The following FERMT2 variants were observed in gnomAD, a reference collection of about 807,000 sequenced individuals.
FERMT2 encodes FERM domain containing kindlin 2.
Under a neutral mutation model 82.7 loss-of-function variants are expected in FERMT2, and 15 were observed. The observed-to-expected ratio is 0.18, with a 90% CI of 0.12 to 0.28. The LOEUF (loss-of-function observed/expected upper bound fraction) is 0.28. Ranked by LOEUF, FERMT2 falls within the 10% of genes least tolerant of loss-of-function variation. The pLI is 1.00. For synonymous variants in FERMT2, 274 were observed against 271.5 expected, an observed-to-expected ratio of 1.01 and a Z score of -0.09; for missense variants, 645 against 809.4, an observed-to-expected ratio of 0.80 and a Z score of 2.46.
In FERMT2 at chr14:52,908,686, A is replaced by G. The variant is rs186274217; in HGVS notation, c.391+10437T>C. On this transcript the variant is annotated intron_variant, in intron 3 of 14. Coordinates refer to ENST00000341590, the MANE Select transcript of FERMT2 (RefSeq NM_006832.3). Reference sequence around the variant, plus strand: ...ACTGCCAGCAGAGGGGCATCAGGGAACTGTCCTACATCTTGCTGGTGGTCC... The same window carrying G: ...ACTGCCAGCAGAGGGGCATCAGGGAGCTGTCCTACATCTTGCTGGTGGTCC... Among the ~76,000 whole-genome samples the G allele has an allele frequency of 2.0e-3, 298 of 152,318 alleles. 1 individual carries two copies. Among genetic ancestry groups the G allele is most frequent in the African/African-American group, 6.9e-3 (287 of 41,576 alleles).
intron 2 of FERMT2, among the ~76,000 whole-genome samples, chr14:52,940,454 A>G (rs1388326653): frequency 6.6e-6 from 1 of 152,212 alleles, no homozygotes; most frequent in Non-Finnish European, 1.5e-5. Flanking sequence ...TGAACAATTA[A>G]TTATTCATAA....
chr14:52,925,059 C>T (rs1889175835), intron 2 of FERMT2, among the ~76,000 whole-genome samples: 1 of 152,276 alleles, frequency 6.6e-6, no homozygotes, highest in South Asian at 2.1e-4. Context: ...ATCACACTAC[C>T]TATCTTATTT....
At chr14:52,858,575 G>T in intron 14 of FERMT2, 25 bp from the exon 15 acceptor site, 1 of 1,609,798 alleles carries the variant, frequency 6.2e-7, no homozygotes, top group African/African-American at 1.3e-5. Flanking sequence ...AGAGCCATCA[G>T]TGCTGTCCCA....
At chr14:52,949,481 C>T (rs2139722443) in intron 2 of FERMT2, among the ~76,000 whole-genome samples, 1 of 150,916 alleles carries the variant, frequency 6.6e-6, no homozygotes, top group South Asian at 2.1e-4. Flanking sequence ...GACAATGCCA[C>T]ACAGATAATC....
Position 52,860,352 on chromosome 14 carries a change from G to A in FERMT2, c.1716C>T (p.His572=). Residue 572 remains histidine (H), a synonymous_variant, in exon 13 of 15, where the codon CAC becomes CAT. Coordinates refer to ENST00000341590, the MANE Select transcript of FERMT2 (RefSeq NM_006832.3). ...WQSLPEFGIT[H]FIARFQGGKK... is the part of the protein sequence containing the mutation. ...TTAGAACCACTGACCTTGCAATGAA[G>A]TGAGTGATGCCAAATTCAGGTAGTG... is the stretch of plus-strand genomic sequence containing the variant. 1 of 1,613,906 alleles carries A rather than the reference G, an allele frequency of 6.2e-7. No homozygotes were observed. The highest frequency in any genetic ancestry group is 8.5e-7 in the Non-Finnish European group (1 of 1,179,914).
chr14:52,881,327 G>A lies in FERMT2; in HGVS notation c.669C>T (p.Val223=). 1 of 1,614,040 alleles carries A rather than the reference G, an allele frequency of 6.2e-7. No homozygotes were observed. The highest frequency in any genetic ancestry group is 8.5e-7 in the Non-Finnish European group (1 of 1,179,988). The change falls in exon 5 of 15, where the codon GTC becomes GTT. Residue 223 remains valine (V), a synonymous_variant. Transcript: ENST00000341590. ...TTTCTGGTGACGTGATTGGTTGACT[G>A]ACAGCAAGTATACCAGGATTGCCTT... is the stretch of plus-strand genomic sequence containing the variant. ...LSEGNPGILA[V]SQPITSPEIL...
chr14:52,859,447 T>C (rs1884765216), intron 14 of FERMT2, 126 bp downstream of exon 14: 2 of 888,718 alleles, frequency 2.3e-6, no homozygotes, highest in Non-Finnish European at 3.2e-6. Flanking sequence ...TAGTCAACCA[T>C]GGTCTGTCTG....
intron 3 of FERMT2, among the ~76,000 whole-genome samples, chr14:52,917,927 G>A (rs1025781013): frequency 6.6e-6 from 1 of 152,198 alleles, no homozygotes; most frequent in Admixed American, 6.5e-5. Context: ...CATTGTACAG[G>A]AGCAGCATTT....
intron 10 of FERMT2, among the ~76,000 whole-genome samples, chr14:52,871,127 A>G (rs1885597266): frequency 6.6e-6 from 1 of 152,222 alleles, no homozygotes; most frequent in Non-Finnish European, 1.5e-5. Flanking sequence ...TGTTAGCTCC[A>G]GCGCCTAGTA....
At chr14:52,949,266 G>A (rs1016309480) in intron 2 of FERMT2, among the ~76,000 whole-genome samples, 1 of 151,688 alleles carries the variant, frequency 6.6e-6, no homozygotes, top group African/African-American at 2.4e-5. Context: ...AAATGCATCA[G>A]AGTGCTATTT....
chr14:52,899,592 T>TG (rs1457670469), intron 3 of FERMT2, among the ~76,000 whole-genome samples: 1 of 152,184 alleles, frequency 6.6e-6, no homozygotes, highest in African/African-American at 2.4e-5. Flanking sequence ...TCCAGCTTCT[T>TG]GATAATCACT....
At chr14:52,935,852 G>A (rs1248467899) in intron 2 of FERMT2, among the ~76,000 whole-genome samples, 4 of 152,096 alleles carry the variant, frequency 2.6e-5, no homozygotes, top group South Asian at 2.1e-4. Context: ...CTGAGATAAT[G>A]TCTATCAATT....
chr14:52,859,410 A>C, intron 14 of FERMT2, 163 bp downstream of exon 14: 2 of 644,816 alleles, frequency 3.1e-6, no homozygotes, highest in Admixed American at 4.0e-5. Context: ...CTAATTATGA[A>C]ATAGGCAAAT....
At chr14:52,908,690 T>C (rs1402055258) in intron 3 of FERMT2, among the ~76,000 whole-genome samples, 2 of 152,206 alleles carry the variant, frequency 1.3e-5, no homozygotes, top group Non-Finnish European at 2.9e-5. Flanking sequence ...CAGGGAACTG[T>C]CCTACATCTT....
Position 52,929,894 on chromosome 14 carries a change from A to G in FERMT2, c.158-10538T>C, listed in dbSNP as rs971818288. Among the ~76,000 whole-genome samples, 4 of 152,302 alleles carry G rather than the reference A, an allele frequency of 2.6e-5. No homozygotes were observed. The East Asian group carries it at 7.7e-4, about 29-fold the overall frequency. On this transcript the variant is annotated intron_variant, in intron 2 of 14. Transcript: ENST00000341590. ...GTCTAAGAAGACAAAGGCAATGTCT[A>G]TTTTGATCACCATTGTATTTTCAGC... is the stretch of plus-strand genomic sequence containing the variant.
chr14:52,878,575 C>CAACT lies in FERMT2; in HGVS notation c.963+3_963+6dup. 6.3e-7 allele frequency: 1 copy of CAACT among 1,583,560 alleles called. No homozygotes were observed. Among genetic ancestry groups the CAACT allele is most frequent in the Non-Finnish European group, 8.6e-7 (1 of 1,157,224 alleles). On this transcript the variant is annotated splice_region_variant and intron_variant, in intron 7 of 14. Coordinates refer to ENST00000341590, the MANE Select transcript of FERMT2 (RefSeq NM_006832.3). ...AATAAGTCCCATTTACTAGACCTTT[C>CAACT]AACTACCTGCAGGGCTGCAAACATC...
chr14:52,901,669 G>C (rs1327934072), intron 3 of FERMT2, among the ~76,000 whole-genome samples: 1 of 152,160 alleles, frequency 6.6e-6, no homozygotes. Context: ...GAGCCTCTAG[G>C]AGCTGAGAAT....
At chr14:52,917,525 A>T (rs537905187) in intron 3 of FERMT2, among the ~76,000 whole-genome samples, 5 of 152,260 alleles carry the variant, frequency 3.3e-5, no homozygotes, top group East Asian at 3.9e-4. Flanking sequence ...ATAATAATAA[A>T]AACCCTGTTT....
At chr14:52,927,473 C>A (rs1415197831) in intron 2 of FERMT2, among the ~76,000 whole-genome samples, 1 of 151,384 alleles carries the variant, frequency 6.6e-6, no homozygotes, top group East Asian at 1.9e-4. Flanking sequence ...TACTAAGACG[C>A]AATTATTGGC....
Sources: gnomAD v4.1 joint callset for allele counts (sites outside exome capture counted in the v4.1 genomes callset) on GRCh38, gnomAD v4.1.1 for gene constraint, MANE v1.5 for transcripts, NCBI Gene and HGNC (gene_info 2026-07-23, HGNC 2026-07-21) for gene names.